PPP2R2C: variants seen among roughly 807,000 people sequenced by gnomAD.
The protein encoded by PPP2R2C is protein phosphatase 2, regulatory subunit B, gamma.
Under a neutral mutation model 45.3 loss-of-function variants are expected in PPP2R2C, and 10 were observed. The observed-to-expected ratio is 0.22, with a 90% CI of 0.14 to 0.37. The LOEUF (loss-of-function observed/expected upper bound fraction) is 0.37, where lower values mean the gene tolerates loss of function less well. Ranked by LOEUF, PPP2R2C falls within the 10% of genes least tolerant of loss-of-function variation. PPP2R2C has a pLI of 1.00. For missense variants in PPP2R2C, 308 were observed against 619.7 expected (o/e 0.50, Z 5.34); for synonymous variants, 257 against 245.4 (o/e 1.05, Z -0.44).
At position 6,447,659 on chromosome 4, in the gene PPP2R2C, T is replaced by C. The variant is rs568807037; in HGVS notation, c.70+24501A>G. ...GAAAAGGAGGAAACTGGCAACCACA[T>C]CTGTAACAACATCCTTCCGTCGCCC... is the stretch of plus-strand genomic sequence containing the variant. On this transcript the variant is annotated intron_variant, in intron 1 of 8. Transcript: ENST00000382599. 1.6e-4 allele frequency among the ~76,000 whole-genome samples: 25 copies of C among 152,060 alleles called. 1 individual carries two copies. In the South Asian group the frequency reaches 5.0e-3, roughly 30 times the overall value.
chr4:6,329,123 G>T lies in PPP2R2C; in HGVS notation c.1052+139C>A. 2.8e-6 allele frequency: 2 copies of T among 719,000 alleles called. No individual in the cohort carries two copies. The highest frequency in any genetic ancestry group is 4.8e-6 in the Non-Finnish European group (2 of 419,060). The allele number at this position is 719,000 out of a possible 1,614,324, so 44.5% of individuals were successfully genotyped here. On this transcript the variant is annotated intron_variant, in intron 8 of 8. Transcript: ENST00000382599. The surrounding 1 kb of genome is among the most constrained non-coding windows in gnomAD (Gnocchi z 5.8). ...GAGAGTTGGACCTGCTCTGGAAAGC[G>T]TGGGCTTCACCCAGACACCTGGACC...
At chr4:6,455,812 C>A in intron 1 of PPP2R2C, among the ~76,000 whole-genome samples, 1 of 152,182 alleles carries the variant, frequency 6.6e-6, no homozygotes, top group East Asian at 1.9e-4. Flanking sequence ...TAATGTCCCT[C>A]CTGCCATGAA....
chr4:6,535,470 C>A lies in PPP2R2C; in HGVS notation c.-58-93G>T. 4 of 877,112 alleles carry A rather than the reference C, an allele frequency of 4.6e-6. No homozygotes were observed. The South Asian group carries it at 6.9e-5, about 15-fold the overall frequency. 54.3% of individuals were successfully genotyped at this position (877,112 alleles called of 1,614,324 possible). A position where few individuals can be genotyped will look rare whatever the true frequency, so the allele number is the denominator to read the frequency against. ...CCACATGCAACGCGAGCACCGCCAC[C>A]CACGGCCGCCCTGGCCGCCGCCCGG... On this transcript the variant is annotated intron_variant, in intron 1 of 9. Coordinates refer to the PPP2R2C transcript ENST00000506140.
chr4:6,531,491 C>A (rs1433854782), intron 2 of PPP2R2C, among the ~76,000 whole-genome samples: 1 of 152,162 alleles, frequency 6.6e-6, no homozygotes, highest in Admixed American at 6.5e-5. Context: ...CCAGATAACG[C>A]CCCTCCAAGG....
At chr4:6,496,323 A>G (rs1405843288) in intron 2 of PPP2R2C, among the ~76,000 whole-genome samples, 1 of 152,226 alleles carries the variant, frequency 6.6e-6, no homozygotes, top group Admixed American at 6.5e-5. Flanking sequence ...AGACCAAAGA[A>G]TCATCCCATC....
intron 5 of PPP2R2C, among the ~76,000 whole-genome samples, chr4:6,369,157 G>A (rs1714591389): frequency 6.6e-6 from 1 of 152,194 alleles, no homozygotes; most frequent in South Asian, 2.1e-4. Flanking sequence ...GCCACATGTG[G>A]CTATTTCGTT....
Position 6,554,102 on chromosome 4 carries a change from C to T in PPP2R2C, c.-59+9458G>A, listed in dbSNP as rs145135738. On this transcript the variant is annotated intron_variant, in intron 1 of 9. Transcript: ENST00000506140. Reference sequence around the variant, plus strand: ...GTGTGCTCTCCCCACAAAAAATTCACATTGAAGTCCAAACCCACAATACCT... The same window carrying T: ...GTGTGCTCTCCCCACAAAAAATTCATATTGAAGTCCAAACCCACAATACCT... Among the ~76,000 whole-genome samples the T allele has an allele frequency of 6.4e-3, 981 of 152,340 alleles. 8 individuals are homozygous for T. The highest frequency in any genetic ancestry group is 0.022 in the African/African-American group (922 of 41,576).
intron 2 of PPP2R2C, among the ~76,000 whole-genome samples, chr4:6,529,678 G>C (rs2108821172): frequency 6.6e-6 from 1 of 152,346 alleles, no homozygotes; most frequent in East Asian, 1.9e-4. Context: ...AAATTGGCGA[G>C]GCTGAGAGGG....
At chr4:6,343,784 G>C (rs1711561982) in intron 6 of PPP2R2C, among the ~76,000 whole-genome samples, 1 of 152,148 alleles carries the variant, frequency 6.6e-6, no homozygotes, top group East Asian at 1.9e-4. Flanking sequence ...AGATTTCAAG[G>C]AGCAGATATA....
At chr4:6,377,437 C>T (rs1330400018) in intron 3 of PPP2R2C, among the ~76,000 whole-genome samples, 1 of 152,026 alleles carries the variant, frequency 6.6e-6, no homozygotes, top group African/African-American at 2.4e-5. Context: ...AGGCGGATCA[C>T]CCGAGGTCAG....
chr4:6,440,950 C>T (rs1012657396), intron 1 of PPP2R2C, among the ~76,000 whole-genome samples: 3 of 152,114 alleles, frequency 2.0e-5, no homozygotes, highest in South Asian at 2.1e-4. Flanking sequence ...TCAAGGAGTG[C>T]GACTTGAGCT....
chr4:6,472,393 G>A lies in PPP2R2C; in HGVS notation c.-164C>T, dbSNP rs1270626149. 2 of 887,428 alleles carry A rather than the reference G, an allele frequency of 2.3e-6. No individual in the cohort carries two copies. Among genetic ancestry groups the A allele is most frequent in the East Asian group, 2.3e-4 (2 of 8,880 alleles). The allele number at this position is 887,428 out of a possible 1,614,324, so 55.0% of individuals were successfully genotyped here. A position where few individuals can be genotyped will look rare whatever the true frequency, so the allele number is the denominator to read the frequency against. ...CGCGGCAGGGGGACGGGCGGGGGCG[G>A]CCGGGGGCGGGCGCCGCGGTCAAGC... On this transcript the variant is annotated 5_prime_UTR_variant, in exon 1 of 9. Coordinates refer to ENST00000382599, the MANE Select transcript of PPP2R2C (RefSeq NM_020416.4).
rs1056910296 is a variant in PPP2R2C at position 6,344,466 on chromosome 4, T to C, written c.790+3380A>G. Among the ~76,000 whole-genome samples the C allele has an allele frequency of 3.3e-5, 5 of 152,258 alleles. 1 individual carries two copies. Among genetic ancestry groups the C allele is most frequent in the South Asian group, 4.1e-4 (2 of 4,822 alleles). On this transcript the variant is annotated intron_variant, in intron 6 of 8. Transcript: ENST00000382599. The stretch of plus-strand genomic sequence containing the variant: ...GCTGCTTCTGCCCTGGGAAACCGGA[T>C]AGCACAGGCTTCGGGAGCCAAAGGG...
At chr4:6,436,668 A>T (rs960635100) in intron 1 of PPP2R2C, among the ~76,000 whole-genome samples, 2 of 152,208 alleles carry the variant, frequency 1.3e-5, no homozygotes, top group African/African-American at 4.8e-5. Context: ...AGGGTCAGCA[A>T]CCTTTTTCCA....
At chr4:6,524,684 G>A (rs866032090) in intron 2 of PPP2R2C, among the ~76,000 whole-genome samples, 2 of 152,202 alleles carry the variant, frequency 1.3e-5, no homozygotes, top group African/African-American at 4.8e-5. Flanking sequence ...TTTGTTACAA[G>A]AGCCCCTCCT....
intron 6 of PPP2R2C, among the ~76,000 whole-genome samples, chr4:6,342,199 C>T (rs905887387): frequency 6.6e-6 from 1 of 151,756 alleles, no homozygotes; most frequent in Non-Finnish European, 1.5e-5. Flanking sequence ...ATAAAATCCA[C>T]GTAGACATCA....
chr4:6,546,015 G>A (rs553103192), intron 1 of PPP2R2C, among the ~76,000 whole-genome samples: 1 of 152,284 alleles, frequency 6.6e-6, no homozygotes, highest in Non-Finnish European at 1.5e-5. Context: ...GAGAGATGGA[G>A]TTATTGGGAC....
chr4:6,546,759 T>G (rs905187306), intron 1 of PPP2R2C, among the ~76,000 whole-genome samples: 5 of 152,206 alleles, frequency 3.3e-5, no homozygotes, highest in South Asian at 2.1e-4. Flanking sequence ...CTCCACCCGC[T>G]GTCAGAATTT....
intron 2 of PPP2R2C, among the ~76,000 whole-genome samples, chr4:6,534,350 A>G (rs1358600669): frequency 3.3e-5 from 5 of 150,942 alleles, no homozygotes; most frequent in Admixed American, 3.3e-4. Flanking sequence ...CATCAATGCC[A>G]CACATCAATA....
Sources: allele counts gnomAD v4.1 joint callset (sites outside exome capture counted in the v4.1 genomes callset), GRCh38; gene constraint gnomAD v4.1.1; non-coding constraint Gnocchi (gnomAD v3.1); transcripts MANE v1.5; gene names NCBI Gene and HGNC (gene_info 2026-07-23, HGNC 2026-07-21).